Variants in PLK2 observed in about 807,000 individuals in gnomAD.
PLK2 encodes the protein serine/threonine-protein kinase PLK2.
In PLK2, 25 loss-of-function variants were observed where a neutral mutation model predicts 78.1. That is an observed-to-expected ratio of 0.32 (90% CI 0.23 to 0.45). PLK2 has a LOEUF of 0.45. Ranked by LOEUF, PLK2 falls within the 20% of genes least tolerant of loss-of-function variation. PLK2 has a pLI of 1.00. For synonymous variants in PLK2, 332 were observed against 298.2 expected (o/e 1.11, Z -1.17); for missense variants, 566 against 840.2 (o/e 0.67, Z 4.04).
At position 58,455,490 on chromosome 5, in the gene PLK2, T is replaced by A. The variant is rs770324133; in HGVS notation, c.1625+49A>T. 3 of 1,611,708 alleles carry A rather than the reference T, an allele frequency of 1.9e-6. No homozygotes were observed. The East Asian group carries it at 6.7e-5, about 36-fold the overall frequency. ...GTTAATCATTGTTTTTAGATTTCTT[T>A]AGTGCAAGACTAGAGAACTGACAGG... On this transcript the variant is annotated intron_variant, in intron 11 of 13. Transcript: ENST00000274289.
At chr5:58,459,663 G>A (rs779432320) in intron 1 of PLK2, 27 bp downstream of exon 1, 2 of 1,523,448 alleles carry the variant, frequency 1.3e-6, no homozygotes, top group East Asian at 2.3e-5. Flanking sequence ...CCGCCCGCCC[G>A]GCAGCCCGGC....
chr5:58,454,476 C>T lies in PLK2; in HGVS notation c.*107G>A, dbSNP rs1470690730. ...AGGCCACAGGGGAATTGTTTTCGTACCACCACATGTCCATCTTCTTCAACA... is the reference window on the plus strand; with the variant it reads ...AGGCCACAGGGGAATTGTTTTCGTATCACCACATGTCCATCTTCTTCAACA... On this transcript the variant is annotated 3_prime_UTR_variant, in exon 14 of 14. Coordinates refer to ENST00000274289, the MANE Select transcript of PLK2 (RefSeq NM_006622.4). The T allele has an allele frequency of 1.3e-6, 1 of 797,520 alleles. No individual in the cohort carries two copies. 49.4% of individuals were successfully genotyped at this position (797,520 alleles called of 1,614,324 possible).
At chr5:58,458,017 T>C (rs1057238758) in intron 5 of PLK2, 67 bp downstream of exon 5, 1 of 910,398 alleles carries the variant, frequency 1.1e-6, no homozygotes, top group East Asian at 2.4e-5. Context: ...AAACATTAAA[T>C]GCAAAATAAT....
intron 5 of PLK2, 61 bp from the exon 6 acceptor site, chr5:58,457,644 C>T: frequency 1.1e-6 from 1 of 897,800 alleles, no homozygotes; most frequent in Non-Finnish European, 1.9e-6. Context: ...ACTTGGTTCT[C>T]TTGACATGAC....
At chr5:58,459,379 T>G in intron 1 of PLK2, 1 of 563,546 alleles carries the variant, frequency 1.8e-6, no homozygotes, top group Non-Finnish European at 3.1e-6. Context: ...TGATGAGACT[T>G]GTCAGGAAAA....
Position 58,458,622 on chromosome 5 carries a change from G to T in PLK2, c.496-94C>A. ...AGGATGAGCAATGAAAGTTAACTTTGCAGTGTAAGTGCTGCCACAGCTAAA... is the reference window on the plus strand; with the variant it reads ...AGGATGAGCAATGAAAGTTAACTTTTCAGTGTAAGTGCTGCCACAGCTAAA... On this transcript the variant is annotated intron_variant, in intron 3 of 13. Transcript: ENST00000274289. 3.0e-6 allele frequency: 4 copies of T among 1,344,224 alleles called. No homozygotes were observed. The South Asian group carries it at 3.8e-5, about 13-fold the overall frequency. 83.3% of individuals were successfully genotyped at this position (1,344,224 alleles called of 1,614,324 possible).
At chr5:58,458,671 A>C in intron 3 of PLK2, 54 bp downstream of exon 3, 1 of 1,249,128 alleles carries the variant, frequency 8.0e-7, no homozygotes, top group Non-Finnish European at 1.2e-6. Flanking sequence ...TACTCTTTGA[A>C]TACCATGTTA....
intron 6 of PLK2, 43 bp from the exon 7 acceptor site, chr5:58,457,422 A>C: frequency 6.3e-7 from 1 of 1,580,104 alleles, no homozygotes; most frequent in Non-Finnish European, 8.7e-7. Flanking sequence ...TCATAAAGCA[A>C]CTCTTTTCAA....
At chr5:58,457,114 C>T (rs1194545300) in intron 7 of PLK2, 22 bp from the exon 8 acceptor site, 2 of 1,611,056 alleles carry the variant, frequency 1.2e-6, no homozygotes, top group Admixed American at 3.4e-5. Flanking sequence ...TAGAAAAAGC[C>T]TTCAGTAACC....
chr5:58,456,415 C>A, intron 9 of PLK2, 77 bp downstream of exon 9: 1 of 930,302 alleles, frequency 1.1e-6, no homozygotes, highest in Non-Finnish European at 1.7e-6. Flanking sequence ...CCATGATAAT[C>A]ATAGTCCAAG....
rs750530372 is a variant in PLK2 at position 58,455,763 on chromosome 5, G to A, written c.1401C>T (p.Thr467=). 1.9e-6 allele frequency: 3 copies of A among 1,613,436 alleles called. No individual in the cohort carries two copies. The highest frequency in any genetic ancestry group is 2.5e-6 in the Non-Finnish European group (3 of 1,179,978). ...CCACTGTGTCTGCAACACTTCCCAT[G>A]GTACTGTCTTCAAGGCCTGAAAAGT... ...SSSSECLEDS[T]MGSVADTVAR... The change falls in exon 11 of 14, where the codon ACC becomes ACT. Residue 467 remains threonine (T), a synonymous_variant. Coordinates refer to ENST00000274289, the MANE Select transcript of PLK2 (RefSeq NM_006622.4).
chr5:58,455,271 G>C lies in PLK2; in HGVS notation c.1755+14C>G. 6.2e-7 allele frequency: 1 copy of C among 1,613,598 alleles called. No individual in the cohort carries two copies. Among genetic ancestry groups the C allele is most frequent in the Non-Finnish European group, 8.5e-7 (1 of 1,179,624 alleles). On this transcript the variant is annotated intron_variant, in intron 12 of 13. Transcript: ENST00000274289. ...ACACTTCAAATGTCACCACTCTAAA[G>C]CCACAGTACTTACATCCATGAGGTT...
chr5:58,454,544 G>A lies in PLK2; in HGVS notation c.*39C>T. 7.3e-7 allele frequency: 1 copy of A among 1,366,462 alleles called. No individual in the cohort carries two copies. Among genetic ancestry groups the A allele is most frequent in the Non-Finnish European group, 1.0e-6 (1 of 977,544 alleles). The allele number at this position is 1,366,462 out of a possible 1,614,324, so 84.6% of individuals were successfully genotyped here. ...TTGGCTTCCCTGTAGATCTCACAGT[G>A]GAAAAGAGGAGTCCCATAGGGTCCA... is the stretch of plus-strand genomic sequence containing the variant. On this transcript the variant is annotated 3_prime_UTR_variant, in exon 14 of 14. Transcript: ENST00000274289.
At chr5:58,457,710 T>C (rs1743647071) in intron 5 of PLK2, 127 bp from the exon 6 acceptor site, 5 of 632,920 alleles carry the variant, frequency 7.9e-6, no homozygotes, top group Admixed American at 2.9e-5. Context: ...AATTTCTATT[T>C]GGAAACATTT....
In PLK2 at chr5:58,457,313, T is replaced by C; in HGVS notation, c.876A>G (p.Ile292Met). The change falls in exon 7 of 14, where the codon ATA becomes ATG. Residue 292 changes from isoleucine to methionine, a missense_variant. Ile to Met is a conservative substitution (Grantham distance 10, BLOSUM62 1). This residue lies in a region of PLK2 where 179 missense variants were observed against 342.3 expected (regional missense o/e 0.52). Coordinates refer to ENST00000274289, the MANE Select transcript of PLK2 (RefSeq NM_006622.4). ...ACGGCATTGTATACCTTGCTTCCCT[T>C]ATGCACCTATAAGTTTCTTTGAGAT... ...TTNLKETYRCIREARYTMPSS... is the reference protein window; with the variant it reads ...TTNLKETYRCMREARYTMPSS... 6.2e-7 allele frequency: 1 copy of C among 1,613,776 alleles called. No homozygotes were observed. Among genetic ancestry groups the C allele is most frequent in the Non-Finnish European group, 8.5e-7 (1 of 1,179,658 alleles).
At position 58,454,973 on chromosome 5, in the gene PLK2, G is replaced by C. The variant is rs1743556874; in HGVS notation, c.1804C>G (p.Leu602Val). ...VTDIRRPRLY[L>V]LQWLKSDKAL... ...TTATCAGATTTTAGCCACTGAAGGA[G>C]GTAGAGCCGAGGTCTTCGAATATCA... Residue 602 changes from leucine to valine, a missense_variant, in exon 13 of 14, where the codon CTC (leucine) becomes GTC (valine). Leu to Val is a conservative substitution (Grantham distance 32). Transcript: ENST00000274289. 1 of 1,613,120 alleles carries C rather than the reference G, an allele frequency of 6.2e-7. No homozygotes were observed.
chr5:58,456,778 C>G, intron 8 of PLK2, 167 bp downstream of exon 8: 2 of 624,492 alleles, frequency 3.2e-6, no homozygotes, highest in Non-Finnish European at 5.4e-6. Flanking sequence ...AAATAAAAAG[C>G]TATCAATCAC....
chr5:58,459,937 G>A lies in PLK2; in HGVS notation c.23C>T (p.Thr8Ile), dbSNP rs1341622904. The change falls in exon 1 of 14, where the codon ACC (threonine) becomes ATC (isoleucine). Residue 8 changes from threonine to isoleucine, a missense_variant. Transcript: ENST00000274289. MELLRTI[T>I]YQPAASTKMC... is the part of the protein sequence containing the mutation. Reference sequence around the variant, plus strand: ...TTTGGTGCTGGCGGCTGGCTGGTAGGTGATAGTCCGCAAAAGCTCCATGGT... The same window carrying A: ...TTTGGTGCTGGCGGCTGGCTGGTAGATGATAGTCCGCAAAAGCTCCATGGT... The A allele has an allele frequency of 1.2e-6, 2 of 1,608,150 alleles. No individual in the cohort carries two copies. The highest frequency in any genetic ancestry group is 1.7e-6 in the Non-Finnish European group (2 of 1,177,350).
At position 58,458,726 on chromosome 5, in the gene PLK2, C is replaced by T. The variant is rs1743675771; in HGVS notation, c.494G>A (p.Arg165Lys). Residue 165 changes from arginine (R) to lysine (K), a missense_variant and splice_region_variant, in exon 3 of 14, where the codon AGG (arginine) becomes AAG (lysine). This residue lies in a region of PLK2 where 179 missense variants were observed against 342.3 expected (regional missense o/e 0.52). Coordinates refer to ENST00000274289, the MANE Select transcript of PLK2 (RefSeq NM_006622.4). ...TCTCAAATAGGAGTTGACACTTACCCTTCTACTGCAGTATTCCAAGAGAAT... is the reference window on the plus strand; with the variant it reads ...TCTCAAATAGGAGTTGACACTTACCTTTCTACTGCAGTATTCCAAGAGAAT... ...IYILLEYCSR[R>K]SMAHILKARK... 1.4e-6 allele frequency: 2 copies of T among 1,468,216 alleles called. No homozygotes were observed. Among genetic ancestry groups the T allele is most frequent in the Admixed American group, 1.7e-5 (1 of 59,664 alleles). The allele number at this position is 1,468,216 out of a possible 1,614,324, so 90.9% of individuals were successfully genotyped here. A position where few individuals can be genotyped will look rare whatever the true frequency, so the allele number is the denominator to read the frequency against.
Sources: gnomAD v4.1 joint callset for allele counts on GRCh38, gnomAD v4.1.1 for gene constraint, gnomAD v4.1.1 regional missense constraint, MANE v1.5 for transcripts, NCBI Gene and HGNC (gene_info 2026-07-23, HGNC 2026-07-21) for gene names.